TMEM232: variants seen among roughly 807,000 people sequenced by gnomAD.
TMEM232 encodes transmembrane protein 232.
TMEM232 carries 80 observed loss-of-function variants against 78.8 expected under a neutral mutation model. The ratio of observed to expected loss-of-function variants is 1.01; its 90% CI spans 0.85 to 1.22. TMEM232 has a LOEUF of 1.22. Ranked by LOEUF, TMEM232 falls within the 50% of genes most tolerant of loss-of-function variation. The pLI is 0.00. For synonymous variants in TMEM232, 297 were observed against 254.3 expected (o/e 1.17, Z -1.60); for missense variants, 881 against 742.2 (o/e 1.19, Z -2.17).
intron 12 of TMEM232, among the ~76,000 whole-genome samples, chr5:110,490,673 A>C (rs313621): frequency 0.034 from 5,243 of 152,260 alleles, 111 homozygotes; most frequent in African/African-American, 0.066. Context: ...TCTAGAAATA[A>C]ACCATCCATT....
intron 1 of TMEM232, among the ~76,000 whole-genome samples, chr5:110,701,872 C>T (rs944657234): frequency 5.9e-5 from 9 of 152,072 alleles, no homozygotes; most frequent in Non-Finnish European, 1.2e-4. Flanking sequence ...GAACAGTTAG[C>T]AAAGAGAAGT....
intron 2 of TMEM232, among the ~76,000 whole-genome samples, chr5:110,648,168 A>T (rs1038957620): frequency 6.6e-6 from 1 of 152,052 alleles, no homozygotes; most frequent in Non-Finnish European, 1.5e-5. Flanking sequence ...TCATCAAGAT[A>T]ATAGGGAAAT....
chr5:110,642,288 A>C lies in TMEM232; in HGVS notation c.209T>G (p.Leu70Arg). ...ACATCTGAGAATGATTTTTCTAGCT[A>C]GTTCCAACAATTCTTCCTTCTCTTT... ...NSKEKEELLE[L>R]ARKIILRCKR... is the part of the protein sequence containing the mutation. The change falls in exon 3 of 14, where the codon CTA becomes CGA. Residue 70 changes from leucine to arginine, a missense_variant. By Grantham distance (102) the Leu-to-Arg change is moderately radical. Coordinates refer to ENST00000455884, the MANE Select transcript of TMEM232 (RefSeq NM_001039763.4). The C allele has an allele frequency of 2.6e-6, 4 of 1,539,056 alleles. No individual in the cohort carries two copies. Among genetic ancestry groups the C allele is most frequent in the Non-Finnish European group, 3.5e-6 (4 of 1,142,270 alleles).
chr5:110,733,107 T>A (rs1195019501), intron 2 of TMEM232, among the ~76,000 whole-genome samples: 1 of 152,020 alleles, frequency 6.6e-6, no homozygotes, highest in Non-Finnish European at 1.5e-5. Context: ...GAAATGCAAA[T>A]CAAAAGCACA....
chr5:110,653,789 A>G (rs1000852614), intron 2 of TMEM232, among the ~76,000 whole-genome samples: 6 of 152,196 alleles, frequency 3.9e-5, no homozygotes, highest in Middle Eastern at 3.2e-3. Flanking sequence ...TTCTGGGCAT[A>G]GAGAGGATGA....
chr5:110,653,800 T>G (rs55646505), intron 2 of TMEM232, among the ~76,000 whole-genome samples: 2 of 152,100 alleles, frequency 1.3e-5, no homozygotes, highest in African/African-American at 4.8e-5. Context: ...GAGAGGATGA[T>G]TTACCTATGA....
chr5:110,548,775 G>A (rs1293171496), intron 11 of TMEM232, among the ~76,000 whole-genome samples: 3 of 151,844 alleles, frequency 2.0e-5, no homozygotes, highest in African/African-American at 7.3e-5. Flanking sequence ...TAAGAATTCA[G>A]GGAGCATAAA....
chr5:110,722,541 C>T (rs1028149370), intron 1 of TMEM232, among the ~76,000 whole-genome samples: 2 of 152,202 alleles, frequency 1.3e-5, no homozygotes, highest in Non-Finnish European at 2.9e-5. Context: ...ATGTGGACGT[C>T]TCCTCAGAGC....
intron 12 of TMEM232, 38 bp from the exon 13 acceptor site, chr5:110,424,954 T>G: frequency 7.4e-7 from 1 of 1,359,040 alleles, no homozygotes; most frequent in South Asian, 1.3e-5. Context: ...ACATTAGGTA[T>G]AGGTACTCCT....
At chr5:110,578,443 C>T (rs951254623) in intron 10 of TMEM232, among the ~76,000 whole-genome samples, 5 of 151,794 alleles carry the variant, frequency 3.3e-5, no homozygotes, top group Admixed American at 6.6e-5. Context: ...ACTAAGATTC[C>T]GAGAGATATA....
At chr5:110,485,818 T>C (rs1246599741) in intron 12 of TMEM232, among the ~76,000 whole-genome samples, 1 of 152,152 alleles carries the variant, frequency 6.6e-6, no homozygotes, top group African/African-American at 2.4e-5. Flanking sequence ...CTTATTTTCC[T>C]CTGGGTAGAT....
At chr5:110,724,155 T>G (rs1016392754) in intron 1 of TMEM232, among the ~76,000 whole-genome samples, 4 of 152,198 alleles carry the variant, frequency 2.6e-5, no homozygotes, top group African/African-American at 9.6e-5. Context: ...AACTCTTGCA[T>G]GGGACTTTAT....
intron 12 of TMEM232, among the ~76,000 whole-genome samples, chr5:110,452,606 C>G (rs1048642655): frequency 1.3e-5 from 2 of 151,968 alleles, no homozygotes; most frequent in Non-Finnish European, 2.9e-5. Context: ...TGAGCAGATT[C>G]TTAAAATGTG....
At chr5:110,571,437 C>T (rs773820167) in intron 10 of TMEM232, among the ~76,000 whole-genome samples, 8 of 151,692 alleles carry the variant, frequency 5.3e-5, no homozygotes, top group Non-Finnish European at 1.0e-4. Context: ...GGAATATGGC[C>T]CCCAGTAGTG....
chr5:110,507,032 C>T (rs1458400530), intron 12 of TMEM232, among the ~76,000 whole-genome samples: 4 of 152,002 alleles, frequency 2.6e-5, no homozygotes, highest in African/African-American at 4.8e-5. Context: ...CTTACTGAGC[C>T]AGGGGTGTAA....
chr5:110,714,192 G>A (rs532577733), intron 1 of TMEM232, among the ~76,000 whole-genome samples: 8 of 152,216 alleles, frequency 5.3e-5, no homozygotes, highest in African/African-American at 1.9e-4. Flanking sequence ...CCCTGCTGCA[G>A]GGCTGGAGGC....
intron 12 of TMEM232, among the ~76,000 whole-genome samples, chr5:110,476,678 G>A (rs1370648247): frequency 6.6e-6 from 1 of 151,926 alleles, no homozygotes; most frequent in Non-Finnish European, 1.5e-5. Context: ...GAATAATCAT[G>A]GTAATGAACA....
At chr5:110,711,957 T>A (rs1162878725) in intron 1 of TMEM232, among the ~76,000 whole-genome samples, 1 of 151,432 alleles carries the variant, frequency 6.6e-6, no homozygotes, top group African/African-American at 2.4e-5. Context: ...ATACAAAAAA[T>A]TAGCCAGGCG....
chr5:110,469,746 C>T (rs1305330869), intron 12 of TMEM232, among the ~76,000 whole-genome samples: 3 of 152,178 alleles, frequency 2.0e-5, no homozygotes, highest in Non-Finnish European at 4.4e-5. Context: ...CATTGCCTTC[C>T]AGGGAATCAG....
Sources: allele counts gnomAD v4.1 joint callset (sites outside exome capture counted in the v4.1 genomes callset), GRCh38; gene constraint gnomAD v4.1.1; transcripts MANE v1.5; gene names NCBI Gene and HGNC (gene_info 2026-07-23, HGNC 2026-07-21).